ESPNL: variants seen among roughly 807,000 people sequenced by gnomAD.
ESPNL encodes espin like.
A neutral mutation model predicts 46.8 loss-of-function variants in ESPNL; 49 were observed. The observed-to-expected ratio is 1.05, with a 90% CI of 0.83 to 1.33. The LOEUF is 1.33. Among genes scored for constraint, ESPNL ranks in the 40% most tolerant of loss-of-function variants. The pLI is 0.00. For missense variants in ESPNL, 1,540 were observed against 1,436.6 expected, an observed-to-expected ratio of 1.07 and a Z score of -1.16; for synonymous variants, 664 against 662.1, an observed-to-expected ratio of 1.00 and a Z score of -0.04.
chr2:238,133,167 C>T lies in ESPNL; in HGVS notation c.*1435C>T, dbSNP rs1306466407. 1 of 152,260 alleles carries T rather than the reference C, an allele frequency of 6.6e-6. No homozygotes were observed. Among genetic ancestry groups the T allele is most frequent in the Non-Finnish European group, 1.5e-5 (1 of 68,054 alleles). The allele number at this position is 152,260 out of a possible 1,614,324, so 9.4% of individuals were successfully genotyped here. ...ACCGGCCGCAGCCCCAAGCCAGTGGCTTTTCCACAAGGGCCTATCCTGCAG... is the reference window on the plus strand; with the variant it reads ...ACCGGCCGCAGCCCCAAGCCAGTGGTTTTTCCACAAGGGCCTATCCTGCAG... On this transcript the variant is annotated 3_prime_UTR_variant, in exon 9 of 9. Coordinates refer to ENST00000343063, the MANE Select transcript of ESPNL (RefSeq NM_194312.4).
chr2:238,116,463 A>G (rs1691817280), intron 4 of ESPNL, among the ~76,000 whole-genome samples: 1 of 152,188 alleles, frequency 6.6e-6, no homozygotes, highest in Non-Finnish European at 1.5e-5. Context: ...GGTCCCACGG[A>G]GAGTGGGGCT....
At chr2:238,113,347 T>G (rs922541125) in intron 4 of ESPNL, among the ~76,000 whole-genome samples, 1 of 152,224 alleles carries the variant, frequency 6.6e-6, no homozygotes, top group Non-Finnish European at 1.5e-5. Flanking sequence ...ATAGTCAGTA[T>G]AATTACTAAT....
intron 5 of ESPNL, among the ~76,000 whole-genome samples, chr2:238,118,780 GA>G (rs199772575): frequency 2.7e-5 from 1 of 36,544 alleles, no homozygotes; most frequent in African/African-American, 3.3e-4. Flanking sequence ...TGGAGGAGGG[GA>G]GATGGAGGAG....
At chr2:238,101,180 C>T (rs867335655) in intron 1 of ESPNL, among the ~76,000 whole-genome samples, 2 of 152,310 alleles carry the variant, frequency 1.3e-5, no homozygotes, top group South Asian at 4.1e-4. Context: ...ATCCTGCCTG[C>T]CCAGTCCCCT....
At chr2:238,128,935 G>T in intron 8 of ESPNL, 31 bp downstream of exon 8, 1 of 1,517,706 alleles carries the variant, frequency 6.6e-7, no homozygotes, top group East Asian at 2.5e-5. Flanking sequence ...GGACCAGTGG[G>T]CGGGGCGGGG....
At chr2:238,118,942 G>A (rs1437716490) in intron 5 of ESPNL, among the ~76,000 whole-genome samples, 14 of 133,200 alleles carry the variant, frequency 1.1e-4, no homozygotes, top group African/African-American at 3.6e-4. Context: ...GGAATGGATG[G>A]AAGAGGATTG....
At chr2:238,115,267 G>A (rs1220948821) in intron 4 of ESPNL, among the ~76,000 whole-genome samples, 2 of 152,254 alleles carry the variant, frequency 1.3e-5, no homozygotes, top group African/African-American at 4.8e-5. Context: ...AGGAGGGAGG[G>A]GAAGGAAGCC....
intron 2 of ESPNL, 150 bp from the exon 3 acceptor site, chr2:238,104,506 A>AG: frequency 1.1e-6 from 1 of 895,762 alleles, no homozygotes; most frequent in Non-Finnish European, 1.6e-6. Flanking sequence ...AGCAACCTGG[A>AG]GGGGGGAACC....
At chr2:238,108,303 G>A (rs1420318416) in intron 4 of ESPNL, among the ~76,000 whole-genome samples, 1 of 152,220 alleles carries the variant, frequency 6.6e-6, no homozygotes, top group East Asian at 1.9e-4. Flanking sequence ...CCTGCGAGTA[G>A]AGCTGTGGCA....
chr2:238,117,263 G>A (rs1473956218), intron 5 of ESPNL, among the ~76,000 whole-genome samples: 1 of 152,216 alleles, frequency 6.6e-6, no homozygotes, highest in Non-Finnish European at 1.5e-5. Flanking sequence ...CAGGACAGGG[G>A]CTGTGACAGG....
intron 5 of ESPNL, among the ~76,000 whole-genome samples, chr2:238,119,470 A>ATGGATGGAGGAGG (rs1388918188): frequency 1.3e-5 from 1 of 76,700 alleles, no homozygotes; most frequent in Non-Finnish European, 2.5e-5. Context: ...TGAAGGAGGA[A>ATGGATGGAGGAGG]TGGATGGAGG....
At chr2:238,106,668 G>A (rs749465627) in intron 3 of ESPNL, among the ~76,000 whole-genome samples, 8 of 152,210 alleles carry the variant, frequency 5.3e-5, no homozygotes, top group Non-Finnish European at 1.0e-4. Context: ...TGGCTCCTGG[G>A]ATGAGCGGCG....
chr2:238,126,344 TTGTGTG>T (rs372340919), intron 6 of ESPNL, among the ~76,000 whole-genome samples: 27,029 of 146,994 alleles, frequency 0.18, 2,540 homozygotes, highest in East Asian at 0.25. Context: ...CTGTATGTGA[TTGTGTG>T]TGTGATTGTG....
intron 3 of ESPNL, 24 bp from the exon 4 acceptor site, chr2:238,107,767 C>T: frequency 6.5e-7 from 1 of 1,548,452 alleles, no homozygotes; most frequent in Non-Finnish European, 8.7e-7. Context: ...AGGATGGCTG[C>T]TCCCTCTGCC....
At position 238,101,873 on chromosome 2, in the gene ESPNL, C is replaced by T. The variant is rs1180960890; in HGVS notation, c.295-68C>T. ...GCAGTGTGAGCCCTCGCCCAGGGCC[C>T]ACCTCCGGCAGCTGGCTCTGACCTC... On this transcript the variant is annotated intron_variant, in intron 1 of 8. Coordinates refer to ENST00000343063, the MANE Select transcript of ESPNL (RefSeq NM_194312.4). 8.1e-6 allele frequency: 10 copies of T among 1,234,958 alleles called. No homozygotes were observed. In the Admixed American group the frequency reaches 1.2e-4, roughly 15 times the overall value. 76.5% of individuals were successfully genotyped at this position (1,234,958 alleles called of 1,614,324 possible).
At chr2:238,109,728 G>A (rs556747439) in intron 4 of ESPNL, among the ~76,000 whole-genome samples, 18 of 152,370 alleles carry the variant, frequency 1.2e-4, no homozygotes, top group African/African-American at 4.3e-4. Context: ...AACTAGCACA[G>A]TGTTACTAAC....
chr2:238,109,871 C>T (rs55988015), intron 4 of ESPNL, among the ~76,000 whole-genome samples: 20 of 126,984 alleles, frequency 1.6e-4, no homozygotes, highest in East Asian at 1.1e-3. Context: ...GGATGCCATA[C>T]GTTACCGAGT....
In ESPNL at chr2:238,131,487, C is replaced by CG; in HGVS notation, c.2774dup (p.Phe926LeufsTer37). On this transcript the variant is annotated frameshift_variant, in exon 9 of 9. Transcript: ENST00000343063. LOFTEE classifies it low-confidence loss of function (END_TRUNC). ...CGACGGCTTCGAGGACATCAAAGCC[C>CG]GCTTCTTTGGCTCCAGCCAGCGTCC... 1 of 1,611,812 alleles carries CG rather than the reference C, an allele frequency of 6.2e-7. No individual in the cohort carries two copies. The highest frequency in any genetic ancestry group is 8.5e-7 in the Non-Finnish European group (1 of 1,179,518).
intron 7 of ESPNL, among the ~76,000 whole-genome samples, chr2:238,127,966 T>C (rs919942489): frequency 6.6e-6 from 1 of 152,150 alleles, no homozygotes; most frequent in Non-Finnish European, 1.5e-5. Flanking sequence ...GGGACCCTTC[T>C]CTGTTATCCC....
Sources: gnomAD v4.1 joint callset for allele counts (sites outside exome capture counted in the v4.1 genomes callset) on GRCh38, gnomAD v4.1.1 for gene constraint, MANE v1.5 for transcripts, NCBI Gene and HGNC (gene_info 2026-07-23, HGNC 2026-07-21) for gene names.